Variants in RRAGD observed in about 807,000 individuals in gnomAD.
RRAGD encodes the protein Ras related GTP binding D.
RRAGD carries 12 observed loss-of-function variants against 35.5 expected under a neutral mutation model. The ratio of observed to expected loss-of-function variants is 0.34; its 90% CI spans 0.22 to 0.55. The LOEUF (loss-of-function observed/expected upper bound fraction) is 0.55. Ranked by LOEUF, RRAGD falls within the 20% of genes least tolerant of loss-of-function variation. RRAGD has a pLI of 0.91. For missense variants in RRAGD, 324 were observed against 490.1 expected, an observed-to-expected ratio of 0.66 and a Z score of 3.20; for synonymous variants, 155 against 178.9, an observed-to-expected ratio of 0.87 and a Z score of 1.07.
intron 1 of RRAGD, among the ~76,000 whole-genome samples, chr6:89,388,318 T>A (rs1769170435): frequency 6.6e-6 from 1 of 152,138 alleles, no homozygotes; most frequent in Non-Finnish European, 1.5e-5. Context: ...CACAGAATGT[T>A]TTCAGGGGTT....
chr6:89,403,964 T>C (rs972432590), intron 1 of RRAGD, among the ~76,000 whole-genome samples: 3 of 152,220 alleles, frequency 2.0e-5, no homozygotes, highest in Non-Finnish European at 4.4e-5. Context: ...GGCAACTTCT[T>C]GATTTAAATC....
chr6:89,384,183 G>T (rs1276899521), intron 2 of RRAGD, among the ~76,000 whole-genome samples: 4 of 151,994 alleles, frequency 2.6e-5, no homozygotes, highest in Admixed American at 1.3e-4. Context: ...TCCTGTCAGT[G>T]CTTCTAATCA....
chr6:89,412,069 C>T lies in RRAGD; in HGVS notation c.-76G>A, dbSNP rs1769715889. 1 of 1,392,960 alleles carries T rather than the reference C, an allele frequency of 7.2e-7. No individual in the cohort carries two copies. Among genetic ancestry groups the T allele is most frequent in the Admixed American group, 2.6e-5 (1 of 38,300 alleles). The allele number at this position is 1,392,960 out of a possible 1,614,324, so 86.3% of individuals were successfully genotyped here. A position where few individuals can be genotyped will look rare whatever the true frequency, so the allele number is the denominator to read the frequency against. On this transcript the variant is annotated 5_prime_UTR_variant, in exon 1 of 7. Coordinates refer to ENST00000369415, the MANE Select transcript of RRAGD (RefSeq NM_021244.5). This position sits in a 1 kb window ranked among gnomAD's most constrained non-coding sequence, Gnocchi z 4.2. The stretch of plus-strand genomic sequence containing the variant: ...GCCAAGCCTCCTAGCCGGCCGCCCG[C>T]AGCCTATTTCTGAAGCGGAGGTTTG...
At position 89,411,176 on chromosome 6, in the gene RRAGD, G is replaced by T. The variant is rs1187890363; in HGVS notation, c.148+670C>A. Among the ~76,000 whole-genome samples, 6 of 151,802 alleles carry T rather than the reference G, an allele frequency of 4.0e-5. No homozygotes were observed. Among genetic ancestry groups the T allele is most frequent in the Non-Finnish European group, 8.8e-5 (6 of 67,912 alleles). On this transcript the variant is annotated intron_variant, in intron 1 of 6. Coordinates refer to ENST00000369415, the MANE Select transcript of RRAGD (RefSeq NM_021244.5). This position sits in a 1 kb window ranked among gnomAD's most constrained non-coding sequence, Gnocchi z 5.6. Reference sequence around the variant, plus strand: ...TTCCCCGCCGCGCGCTCACTCCCGGGCAGGCACTGCCATGTCCAGGTGGTG... The same window carrying T: ...TTCCCCGCCGCGCGCTCACTCCCGGTCAGGCACTGCCATGTCCAGGTGGTG...
intron 1 of RRAGD, among the ~76,000 whole-genome samples, chr6:89,396,357 G>A (rs1769330249): frequency 6.6e-6 from 1 of 151,952 alleles, no homozygotes; most frequent in African/African-American, 2.4e-5. Context: ...ATCTGGGAAG[G>A]GACTTGTATG....
intron 1 of RRAGD, among the ~76,000 whole-genome samples, chr6:89,397,521 G>A (rs145042384): frequency 0.025 from 3,772 of 151,406 alleles, 158 homozygotes; most frequent in African/African-American, 0.086. Flanking sequence ...GGAGAATGGC[G>A]TGAACCCGGG....
At chr6:89,375,950 T>C (rs1768931888) in intron 5 of RRAGD, among the ~76,000 whole-genome samples, 1 of 152,216 alleles carries the variant, frequency 6.6e-6, no homozygotes. Flanking sequence ...CTAATGACCA[T>C]ATGGCACAAT....
Position 89,377,685 on chromosome 6 carries a change from G to A in RRAGD, c.888C>T (p.Ile296=). 6.3e-7 allele frequency: 1 copy of A among 1,593,402 alleles called. No individual in the cohort carries two copies. Among genetic ancestry groups the A allele is most frequent in the Non-Finnish European group, 8.5e-7 (1 of 1,173,086 alleles). ...CCDMIDVVID[I]SCIYGLKEDG... ...GTTGTACTTACCCATAAATACAAGA[G>A]ATGTCAATAACCACATCTATCATAT... is the stretch of plus-strand genomic sequence containing the variant. Residue 296 remains isoleucine (I), a synonymous_variant, in exon 5 of 7, where the codon ATC becomes ATT. Transcript: ENST00000369415.
rs1306276640 is a variant in RRAGD at position 89,379,236 on chromosome 6, G to A, written c.747C>T (p.Asn249=). 1.3e-6 allele frequency: 2 copies of A among 1,570,768 alleles called. No individual in the cohort carries two copies. The highest frequency in any genetic ancestry group is 1.7e-6 in the Non-Finnish European group (2 of 1,146,530). ...PQLPTLENLL[N]IFISNSGIEK... ...ATTATTTACTTACTGAGATAAAGAT[G>A]TTCAGCAAATTCTCCAGAGTTGGGA... The change falls in exon 4 of 7, where the codon AAC becomes AAT. Residue 249 remains asparagine, a synonymous_variant. Transcript: ENST00000369415.
intron 1 of RRAGD, among the ~76,000 whole-genome samples, chr6:89,401,332 A>ACTGCAACCTCTTCCTCC (rs1181885488): frequency 7.3e-5 from 11 of 151,418 alleles, no homozygotes; most frequent in African/African-American, 2.2e-4. Context: ...ATCTTAGCTC[A>ACTGCAACCTCTTCCTCC]CTGCAACCTC....
chr6:89,384,707 C>T (rs1335964543), intron 2 of RRAGD, among the ~76,000 whole-genome samples: 1 of 150,584 alleles, frequency 6.6e-6, no homozygotes, highest in Non-Finnish European at 1.5e-5. Context: ...CCCAGCTACT[C>T]GGGAGGCTGA....
In RRAGD at chr6:89,411,117, GAA is replaced by G. The variant is rs1278549634; in HGVS notation, c.148+727_148+728del. On this transcript the variant is annotated intron_variant, in intron 1 of 6. Coordinates refer to ENST00000369415, the MANE Select transcript of RRAGD (RefSeq NM_021244.5). The surrounding 1 kb of genome is among the most constrained non-coding windows in gnomAD (Gnocchi z 5.6). Reference sequence around the variant, plus strand: ...TTGCTAAAACCCGCTTCTAGAACAGGAAAAAGAGTTTGCTTCACTATTGAAGC... The same window carrying G: ...TTGCTAAAACCCGCTTCTAGAACAGGAAAGAGTTTGCTTCACTATTGAAGC... 6.6e-6 allele frequency among the ~76,000 whole-genome samples: 1 copy of G among 152,202 alleles called. No individual in the cohort carries two copies. The highest frequency in any genetic ancestry group is 1.5e-5 in the Non-Finnish European group (1 of 68,032).
intron 1 of RRAGD, among the ~76,000 whole-genome samples, chr6:89,392,776 T>G (rs1466218779): frequency 6.6e-6 from 1 of 152,194 alleles, no homozygotes; most frequent in South Asian, 2.1e-4. Flanking sequence ...ACATACATAT[T>G]TCAGATAAGA....
chr6:89,374,427 C>A (rs933400401), intron 5 of RRAGD, among the ~76,000 whole-genome samples: 2 of 152,122 alleles, frequency 1.3e-5, no homozygotes, highest in African/African-American at 4.8e-5. Flanking sequence ...CTGCCATATA[C>A]ATGGCCACTT....
rs145859523 is a variant in RRAGD, at chr6:89,374,798, A to C, written c.903-2213T>G. Among the ~76,000 whole-genome samples, 12 of 152,274 alleles carry C rather than the reference A, an allele frequency of 7.9e-5. No homozygotes were observed. The East Asian group carries it at 2.3e-3, about 29-fold the overall frequency. On this transcript the variant is annotated intron_variant, in intron 5 of 6. Transcript: ENST00000369415. Reference sequence around the variant, plus strand: ...TTTTTTAAAGGATTCAACTCACTATAACCTACCAAAACATTAAAGAAAAAC... The same window carrying C: ...TTTTTTAAAGGATTCAACTCACTATCACCTACCAAAACATTAAAGAAAAAC...
intron 2 of RRAGD, among the ~76,000 whole-genome samples, chr6:89,385,048 T>C (rs1237548338): frequency 4.0e-5 from 6 of 151,728 alleles, no homozygotes; most frequent in Non-Finnish European, 4.4e-5. Context: ...CTGGGCAACA[T>C]AGTGAGACCT....
At chr6:89,387,101 T>C (rs1325839095) in intron 2 of RRAGD, among the ~76,000 whole-genome samples, 194 bp downstream of exon 2, 1 of 152,200 alleles carries the variant, frequency 6.6e-6, no homozygotes, top group East Asian at 1.9e-4. Flanking sequence ...GTGTCAATTG[T>C]TCCCTAATGC....
intron 1 of RRAGD, among the ~76,000 whole-genome samples, chr6:89,398,150 A>C (rs2127895252): frequency 6.6e-6 from 1 of 152,182 alleles, no homozygotes; most frequent in South Asian, 2.1e-4. Flanking sequence ...CATCTCAAAA[A>C]AAAAAAGAAA....
chr6:89,395,030 G>A (rs1769306765), intron 1 of RRAGD, among the ~76,000 whole-genome samples: 1 of 152,150 alleles, frequency 6.6e-6, no homozygotes, highest in African/African-American at 2.4e-5. Flanking sequence ...GTTGAGGTGG[G>A]AGGATCACTT....
Sources: gnomAD v4.1 joint callset for allele counts (sites outside exome capture counted in the v4.1 genomes callset) on GRCh38, gnomAD v4.1.1 for gene constraint, Gnocchi (gnomAD v3.1) non-coding constraint, MANE v1.5 for transcripts, NCBI Gene and HGNC (gene_info 2026-07-23, HGNC 2026-07-21) for gene names.